The following CELF2 variants were observed in gnomAD, a reference collection of about 807,000 sequenced individuals.
The protein encoded by CELF2 is CUG triplet repeat RNA-binding protein 2.
Under a neutral mutation model 62.6 loss-of-function variants are expected in CELF2, and 8 were observed. The ratio of observed to expected loss-of-function variants is 0.13; its 90% CI spans 0.07 to 0.23. The LOEUF (loss-of-function observed/expected upper bound fraction) is 0.23, where lower values mean the gene tolerates loss of function less well. CELF2 is among the 10% of genes least tolerant of loss of function. CELF2 has a pLI of 1.00. For synonymous variants in CELF2, 258 were observed against 250.0 expected (o/e 1.03, Z -0.30); for missense variants, 333 against 671.0 (o/e 0.50, Z 5.56).
rs1170315611 is a variant in CELF2, at chr10:11,267,694, T to G, written c.618+1017T>G. ...GTTTTATTTTTTTGTTTGTTTGTTT[T>G]TGTTTGTTTTTTGCAATGCTGCATC... On this transcript the variant is annotated intron_variant, in intron 6 of 12. Transcript: ENST00000633077. This position sits in a 1 kb window ranked among gnomAD's most constrained non-coding sequence, Gnocchi z 4.4. Among the ~76,000 whole-genome samples the G allele has an allele frequency of 6.6e-6, 1 of 152,216 alleles. No individual in the cohort carries two copies. The highest frequency in any genetic ancestry group is 2.4e-5 in the African/African-American group (1 of 41,456).
chr10:10,544,359 C>G, the CELF2 span, among the ~76,000 whole-genome samples: 1 of 152,202 alleles, frequency 6.6e-6, no homozygotes, highest in Non-Finnish European at 1.5e-5. Context: ...TCATGCACCA[C>G]CCGGCAAGGG....
chr10:11,178,622 G>A lies in CELF2; in HGVS notation c.271+12940G>A, dbSNP rs2072113394. The stretch of plus-strand genomic sequence containing the variant: ...TTTATGCCACAGATTAAACTCCAAG[G>A]CAAATAAATGTGTGACAGCTTAAGA... On this transcript the variant is annotated intron_variant, in intron 2 of 12. Coordinates refer to ENST00000633077, the MANE Select transcript of CELF2 (RefSeq NM_001326342.2). This position sits in a 1 kb window ranked among gnomAD's most constrained non-coding sequence, Gnocchi z 4.3. Among the ~76,000 whole-genome samples the A allele has an allele frequency of 6.6e-6, 1 of 152,188 alleles. No homozygotes were observed. The highest frequency in any genetic ancestry group is 1.5e-5 in the Non-Finnish European group (1 of 68,038).
intron 1 of CELF2, among the ~76,000 whole-genome samples, chr10:11,142,393 G>A (rs2061491358): frequency 6.7e-6 from 1 of 148,526 alleles, no homozygotes; most frequent in African/African-American, 2.6e-5. Flanking sequence ...AAAGTGGATG[G>A]GCTGGGCTGG....
chr10:11,127,920 C>T (rs1285494523), intron 1 of CELF2, among the ~76,000 whole-genome samples: 1 of 152,120 alleles, frequency 6.6e-6, no homozygotes, highest in Non-Finnish European at 1.5e-5. Flanking sequence ...CTTCTGTTGC[C>T]ATTGCTTTTG....
chr10:11,201,981 T>C (rs1380711629), intron 2 of CELF2, among the ~76,000 whole-genome samples: 1 of 152,098 alleles, frequency 6.6e-6, no homozygotes, highest in Admixed American at 6.5e-5. Flanking sequence ...CTGGCACCCA[T>C]GCTTAACTCT....
the CELF2 span, among the ~76,000 whole-genome samples, chr10:10,607,718 C>T: frequency 6.6e-6 from 1 of 152,136 alleles, no homozygotes; most frequent in Non-Finnish European, 1.5e-5. Flanking sequence ...TCAGCGTTTG[C>T]CCAAGATCAC....
chr10:10,861,294 A>T (rs2060035521), intron 1 of CELF2, among the ~76,000 whole-genome samples: 1 of 151,700 alleles, frequency 6.6e-6, no homozygotes, highest in Non-Finnish European at 1.5e-5. Context: ...GGCTTGTCTC[A>T]AACTCCTGGG....
At chr10:10,657,730 T>A in the CELF2 span, among the ~76,000 whole-genome samples, 1 of 152,180 alleles carries the variant, frequency 6.6e-6, no homozygotes, top group African/African-American at 2.4e-5. Flanking sequence ...GAGAATATAT[T>A]CCAGGAGCAT....
In CELF2 at chr10:11,179,000, A is replaced by G. The variant is rs1031501295; in HGVS notation, c.271+13318A>G. ...CCACTTCCTCCACACCCCCAGGAACATTGCCCCCATTTCACAGAAAAGGAG... is the reference window on the plus strand; with the variant it reads ...CCACTTCCTCCACACCCCCAGGAACGTTGCCCCCATTTCACAGAAAAGGAG... On this transcript the variant is annotated intron_variant, in intron 2 of 12. Coordinates refer to ENST00000633077, the MANE Select transcript of CELF2 (RefSeq NM_001326342.2). This position sits in a 1 kb window ranked among gnomAD's most constrained non-coding sequence, Gnocchi z 4.3. Among the ~76,000 whole-genome samples the G allele has an allele frequency of 5.3e-5, 8 of 152,214 alleles. No individual in the cohort carries two copies. The highest frequency in any genetic ancestry group is 1.9e-4 in the African/African-American group (8 of 41,452).
At chr10:10,653,895 C>CA in the CELF2 span, among the ~76,000 whole-genome samples, 4 of 151,716 alleles carry the variant, frequency 2.6e-5, no homozygotes, top group African/African-American at 7.3e-5. Flanking sequence ...AATAGAGACA[C>CA]AAAAAACCCT....
At chr10:10,789,800 A>G in the CELF2 span, among the ~76,000 whole-genome samples, 4 of 152,130 alleles carry the variant, frequency 2.6e-5, no homozygotes, top group Non-Finnish European at 5.9e-5. Flanking sequence ...ACTATCTATT[A>G]TTGTATCCAC....
chr10:10,811,669 T>C (rs2055907999), intron 1 of CELF2, among the ~76,000 whole-genome samples: 1 of 152,120 alleles, frequency 6.6e-6, no homozygotes. Flanking sequence ...GTGTCAGGTA[T>C]TGGCTGGAAC....
chr10:10,504,941 G>C, the CELF2 span, among the ~76,000 whole-genome samples: 2 of 151,880 alleles, frequency 1.3e-5, no homozygotes, highest in Admixed American at 1.3e-4. Context: ...TTTGCTTCAA[G>C]TATGTTTGTA....
intron 2 of CELF2, among the ~76,000 whole-genome samples, chr10:10,955,785 A>G (rs370343562): frequency 6.6e-6 from 1 of 152,164 alleles, no homozygotes; most frequent in Non-Finnish European, 1.5e-5. Context: ...AGAACCAGAC[A>G]CTAGGATACT....
rs561221771 is a variant in CELF2, at chr10:10,892,032, C to T, written c.54-27932C>T. On this transcript the variant is annotated intron_variant, in intron 1 of 13. Transcript: ENST00000636488. ...ATTTTCTATTATTTCAAGACATAGA[C>T]ATTCATCAAGTAGCACAAGCAATGA... is the stretch of plus-strand genomic sequence containing the variant. 3.3e-5 allele frequency among the ~76,000 whole-genome samples: 5 copies of T among 152,214 alleles called. No homozygotes were observed. The South Asian group carries it at 1.0e-3, about 32-fold the overall frequency.
chr10:11,273,883 G>T (rs1159927005), intron 7 of CELF2, among the ~76,000 whole-genome samples: 2 of 151,726 alleles, frequency 1.3e-5, no homozygotes, highest in African/African-American at 4.9e-5. Flanking sequence ...CACCACACCC[G>T]GCTAATTTTT....
intron 1 of CELF2, among the ~76,000 whole-genome samples, chr10:11,056,334 A>G (rs1334346270): frequency 2.6e-5 from 4 of 152,218 alleles, no homozygotes; most frequent in Non-Finnish European, 5.9e-5. Context: ...TTTATAAATC[A>G]CGTCTGCCTT....
chr10:10,681,776 G>A, the CELF2 span, among the ~76,000 whole-genome samples: 1 of 152,248 alleles, frequency 6.6e-6, no homozygotes, highest in African/African-American at 2.4e-5. Flanking sequence ...ATTTATAATA[G>A]CATATTCCTC....
the CELF2 span, among the ~76,000 whole-genome samples, chr10:10,542,783 C>A: frequency 9.2e-5 from 14 of 152,200 alleles, 1 homozygote; most frequent in Non-Finnish European, 1.9e-4. Flanking sequence ...TATGATTTGA[C>A]TTCCTGGATA....
Sources: allele counts gnomAD v4.1 joint callset (sites outside exome capture counted in the v4.1 genomes callset), GRCh38; gene constraint gnomAD v4.1.1; non-coding constraint Gnocchi (gnomAD v3.1); transcripts MANE v1.5; gene names NCBI Gene and HGNC (gene_info 2026-07-23, HGNC 2026-07-21).